The following PARVA variants were observed in gnomAD, a reference collection of about 807,000 sequenced individuals.
The protein encoded by PARVA is alpha-parvin.
In PARVA, 25 loss-of-function variants were observed where a neutral mutation model predicts 52.6. The ratio of observed to expected loss-of-function variants is 0.48; its 90% CI spans 0.35 to 0.66. The LOEUF is 0.66. Ranked by LOEUF, PARVA falls within the 30% of genes least tolerant of loss-of-function variation. The pLI is 0.01. For synonymous variants in PARVA, 185 were observed against 179.1 expected (o/e 1.03, Z -0.26); for missense variants, 373 against 450.9 (o/e 0.83, Z 1.56).
intron 4 of PARVA, among the ~76,000 whole-genome samples, chr11:12,492,610 A>T (rs1047784860): frequency 6.6e-6 from 1 of 152,224 alleles, no homozygotes; most frequent in South Asian, 2.1e-4. Flanking sequence ...ATAGCAGAAG[A>T]AGTTCGCAAA....
At chr11:12,410,203 G>A (rs956035591) in intron 1 of PARVA, among the ~76,000 whole-genome samples, 2 of 152,232 alleles carry the variant, frequency 1.3e-5, no homozygotes, top group Non-Finnish European at 2.9e-5. Context: ...CCAGGCCCCC[G>A]GGACTGCAGG....
intron 1 of PARVA, among the ~76,000 whole-genome samples, chr11:12,470,733 TC>T (rs1173679153): frequency 6.6e-6 from 1 of 151,892 alleles, no homozygotes; most frequent in Non-Finnish European, 1.5e-5. Flanking sequence ...CTAATCAGAG[TC>T]TCATAGAATA....
At chr11:12,439,562 G>A (rs1211771535) in intron 1 of PARVA, among the ~76,000 whole-genome samples, 2 of 152,170 alleles carry the variant, frequency 1.3e-5, no homozygotes, top group African/African-American at 4.8e-5. Context: ...CCAGCTGAAG[G>A]GACAGGCCTG....
intron 1 of PARVA, among the ~76,000 whole-genome samples, chr11:12,438,381 G>C (rs895021893): frequency 6.6e-6 from 1 of 152,012 alleles, no homozygotes; most frequent in Admixed American, 6.5e-5. Flanking sequence ...TTTATCCTAT[G>C]ATGAGAGAGC....
At chr11:12,467,077 T>C (rs1940863328) in intron 1 of PARVA, among the ~76,000 whole-genome samples, 1 of 152,248 alleles carries the variant, frequency 6.6e-6, no homozygotes, top group Non-Finnish European at 1.5e-5. Flanking sequence ...TCAGAAGATA[T>C]AGTGTGCCCA....
chr11:12,456,645 C>A lies in PARVA; in HGVS notation c.137-17100C>A, dbSNP rs151329962. ...TCCAGCAAACCTTCCCAAAAATGTT[C>A]CCTGTTCTCATGTCTCCAGCCCTTT... On this transcript the variant is annotated intron_variant, in intron 1 of 12. Transcript: ENST00000334956. Among the ~76,000 whole-genome samples the A allele has an allele frequency of 5.2e-4, 79 of 152,184 alleles. 3 individuals carry two copies. Among genetic ancestry groups the A allele is most frequent in the African/African-American group, 1.9e-3 (78 of 41,522 alleles).
intron 1 of PARVA, among the ~76,000 whole-genome samples, chr11:12,448,756 C>T (rs1241465271): frequency 6.6e-6 from 1 of 152,176 alleles, no homozygotes; most frequent in Non-Finnish European, 1.5e-5. Flanking sequence ...GAATGGGATA[C>T]AACAGCTGGA....
intron 12 of PARVA, among the ~76,000 whole-genome samples, chr11:12,520,547 T>G (rs1387427912): frequency 1.3e-5 from 2 of 152,248 alleles, no homozygotes; most frequent in Non-Finnish European, 2.9e-5. Context: ...TGAAATCCCC[T>G]AGAAACTGGG....
intron 1 of PARVA, among the ~76,000 whole-genome samples, chr11:12,416,735 A>T (rs528003103): frequency 7.8e-4 from 117 of 149,870 alleles, no homozygotes; most frequent in African/African-American, 2.7e-3. Flanking sequence ...GATAGGGAGG[A>T]GGCAGAGAAG....
chr11:12,453,379 A>G (rs1305192527), intron 1 of PARVA, among the ~76,000 whole-genome samples: 2 of 152,172 alleles, frequency 1.3e-5, no homozygotes, highest in Non-Finnish European at 2.9e-5. Flanking sequence ...ATTCTGAAAC[A>G]ATACAAAGAA....
At chr11:12,498,818 C>T (rs1377969345) in intron 5 of PARVA, among the ~76,000 whole-genome samples, 1 of 152,164 alleles carries the variant, frequency 6.6e-6, no homozygotes, top group Admixed American at 6.5e-5. Context: ...GTGATCCACC[C>T]GCCTTGGCCT....
chr11:12,405,549 G>GT (rs1939891560), intron 1 of PARVA, among the ~76,000 whole-genome samples: 1 of 152,122 alleles, frequency 6.6e-6, no homozygotes, highest in South Asian at 2.1e-4. Context: ...GCATGACAGA[G>GT]TGAGACCCTG....
intron 1 of PARVA, among the ~76,000 whole-genome samples, chr11:12,405,378 A>C (rs61875455): frequency 0.054 from 8,270 of 152,290 alleles, 329 homozygotes; most frequent in Non-Finnish European, 0.083. Context: ...ACACATGCGT[A>C]TAGGAAAAAG....
chr11:12,520,139 A>T (rs1941619743), intron 12 of PARVA, among the ~76,000 whole-genome samples: 1 of 152,264 alleles, frequency 6.6e-6, no homozygotes. Flanking sequence ...TTTGGAATAT[A>T]GGTGATATTT....
chr11:12,463,571 T>G (rs143945150), intron 1 of PARVA, among the ~76,000 whole-genome samples: 136 of 152,312 alleles, frequency 8.9e-4, no homozygotes, highest in African/African-American at 3.2e-3. Flanking sequence ...ACTGTGGATA[T>G]TGGTCTTGTT....
chr11:12,523,083 C>G (rs1437083400), intron 12 of PARVA, among the ~76,000 whole-genome samples: 1 of 151,566 alleles, frequency 6.6e-6, no homozygotes, highest in Non-Finnish European at 1.5e-5. Flanking sequence ...GGGTTTTTTT[C>G]TGGATGTATG....
intron 1 of PARVA, among the ~76,000 whole-genome samples, chr11:12,461,084 C>T (rs1940772289): frequency 6.6e-6 from 1 of 152,152 alleles, no homozygotes; most frequent in African/African-American, 2.4e-5. Flanking sequence ...AGGTACCTGG[C>T]ACTGTGCTGG....
rs370198396 is a variant in PARVA at position 12,385,470 on chromosome 11, C to T, written c.136+7687C>T. Among the ~76,000 whole-genome samples, 6 of 152,166 alleles carry T rather than the reference C, an allele frequency of 3.9e-5. No homozygotes were observed. In the South Asian group the frequency reaches 6.2e-4, roughly 16 times the overall value. On this transcript the variant is annotated intron_variant, in intron 1 of 12. Transcript: ENST00000334956. ...AATACAGCAGATCTTGATGAAAGAT[C>T]GGTTGGCAGCTAAGAGTAGAATTAA...
chr11:12,517,641 T>C lies in PARVA; in HGVS notation c.899T>C (p.Met300Thr). Reference protein sequence around the residue: ...FADGVYLVLLMGLLEGYFVPL... With the variant: ...FADGVYLVLLTGLLEGYFVPL... Reference sequence around the variant, plus strand: ...GATGGGGTGTACCTGGTGCTGCTCATGGGGCTCCTGGAGGGCTACTTTGTG... The same window carrying C: ...GATGGGGTGTACCTGGTGCTGCTCACGGGGCTCCTGGAGGGCTACTTTGTG... The change falls in exon 11 of 13, where the codon ATG (methionine) becomes ACG (threonine). Residue 300 changes from methionine (M) to threonine (T), a missense_variant. By Grantham distance (81) the Met-to-Thr change is moderately conservative. Transcript: ENST00000334956. 1.2e-6 allele frequency: 2 copies of C among 1,604,168 alleles called. No homozygotes were observed. Among genetic ancestry groups the C allele is most frequent in the Non-Finnish European group, 1.7e-6 (2 of 1,175,210 alleles).
Sources: allele counts gnomAD v4.1 joint callset (sites outside exome capture counted in the v4.1 genomes callset), GRCh38; gene constraint gnomAD v4.1.1; transcripts MANE v1.5; gene names NCBI Gene and HGNC (gene_info 2026-07-23, HGNC 2026-07-21).